ESCO1: variants seen among roughly 807,000 people sequenced by gnomAD.
The protein encoded by ESCO1 is establishment of sister chromatid cohesion N-acetyltransferase 1.
In ESCO1, 33 loss-of-function variants were observed where a neutral mutation model predicts 83.5. The ratio of observed to expected loss-of-function variants is 0.40; its 90% CI spans 0.30 to 0.53. ESCO1 has a LOEUF of 0.53. ESCO1 is among the 20% of genes least tolerant of loss of function. ESCO1 has a pLI of 0.63. For synonymous variants in ESCO1, 332 were observed against 324.3 expected, an observed-to-expected ratio of 1.02 and a Z score of -0.25; for missense variants, 855 against 968.0, an observed-to-expected ratio of 0.88 and a Z score of 1.55.
At chr18:21,561,037 AT>A in intron 7 of ESCO1, 47 bp from the exon 8 acceptor site, 1 of 1,546,108 alleles carries the variant, frequency 6.5e-7, no homozygotes. Flanking sequence ...CAAAAGAATT[AT>A]TTCAGAATAT....
intron 5 of ESCO1, among the ~76,000 whole-genome samples, chr18:21,566,662 AC>A: frequency 6.6e-6 from 1 of 152,282 alleles, no homozygotes; most frequent in African/African-American, 2.4e-5. Flanking sequence ...GGAGTTCGAG[AC>A]CAGCCTGGCC....
At chr18:21,570,379 A>T (rs2146207416) in intron 4 of ESCO1, among the ~76,000 whole-genome samples, 1 of 152,322 alleles carries the variant, frequency 6.6e-6, no homozygotes, top group South Asian at 2.1e-4. Flanking sequence ...GATTACAGGC[A>T]TGAGCCACTG....
intron 2 of ESCO1, among the ~76,000 whole-genome samples, chr18:21,578,122 T>A (rs2038445200): frequency 6.6e-6 from 1 of 152,060 alleles, no homozygotes; most frequent in Admixed American, 6.6e-5. Flanking sequence ...CAATTTCCAA[T>A]CACTTTTAAC....
chr18:21,584,139 A>C (rs748998715), intron 2 of ESCO1, among the ~76,000 whole-genome samples, 171 bp downstream of exon 2: 2 of 152,228 alleles, frequency 1.3e-5, no homozygotes, highest in Non-Finnish European at 2.9e-5. Flanking sequence ...CAGGAGTAGG[A>C]GAAAAGCTTA....
intron 8 of ESCO1, among the ~76,000 whole-genome samples, chr18:21,554,635 C>T (rs929200599): frequency 5.9e-5 from 9 of 152,022 alleles, no homozygotes; most frequent in African/African-American, 1.9e-4. Context: ...TTAGGCAAGG[C>T]GTGGTGGCTC....
At chr18:21,569,143 T>A (rs1386453013) in intron 4 of ESCO1, among the ~76,000 whole-genome samples, 1 of 152,204 alleles carries the variant, frequency 6.6e-6, no homozygotes, top group South Asian at 2.1e-4. Flanking sequence ...TGTCTAAATC[T>A]CTTTCGTGTG....
At chr18:21,565,875 C>T (rs953652119) in intron 6 of ESCO1, among the ~76,000 whole-genome samples, 13 of 152,118 alleles carry the variant, frequency 8.5e-5, no homozygotes, top group Admixed American at 3.3e-4. Flanking sequence ...GAGTTCAAGG[C>T]TGCAGTGATT....
intron 9 of ESCO1, among the ~76,000 whole-genome samples, chr18:21,538,449 C>T (rs181415082): frequency 6.6e-6 from 1 of 152,210 alleles, no homozygotes; most frequent in African/African-American, 2.4e-5. Context: ...GTTTCAAATA[C>T]AAGACAGGTT....
chr18:21,563,429 C>A (rs1437331425), intron 7 of ESCO1, among the ~76,000 whole-genome samples: 13 of 152,168 alleles, frequency 8.5e-5, no homozygotes, highest in African/African-American at 3.1e-4. Context: ...CTCACTGCAA[C>A]CTCTGCCTGC....
rs983497507 is a variant in ESCO1 at position 21,529,786 on chromosome 18, G to C, written c.*557C>G. ...TATTCTAATTCTTCCTATTTAGCTG[G>C]AGCTTTCCTTTTCTATAGGGGTTTC... On this transcript the variant is annotated 3_prime_UTR_variant, in exon 12 of 12. Coordinates refer to ENST00000269214, the MANE Select transcript of ESCO1 (RefSeq NM_052911.3). 2.0e-5 allele frequency: 3 copies of C among 152,240 alleles called. No homozygotes were observed. Among genetic ancestry groups the C allele is most frequent in the Non-Finnish European group, 1.5e-5 (1 of 68,008 alleles). 9.4% of individuals were successfully genotyped at this position (152,240 alleles called of 1,614,324 possible). A position where few individuals can be genotyped will look rare whatever the true frequency, so the allele number is the denominator to read the frequency against.
At position 21,539,908 on chromosome 18, in the gene ESCO1, C is replaced by G. The variant is rs1454998767; in HGVS notation, c.2043+12G>C. 2.5e-6 allele frequency: 4 copies of G among 1,606,634 alleles called. No individual in the cohort carries two copies. In the South Asian group the frequency reaches 4.4e-5, roughly 18 times the overall value. On this transcript the variant is annotated intron_variant, in intron 9 of 11. Coordinates refer to ENST00000269214, the MANE Select transcript of ESCO1 (RefSeq NM_052911.3). ...ATTATCCACTCTACATGAAGTTTCA[C>G]TGGAAATTTACCTTTTTCAGGGCAT...
chr18:21,593,583 AGAGAGG>A (rs2038714921), intron 1 of ESCO1: 1 of 23,976 alleles, frequency 4.2e-5, no homozygotes, highest in Non-Finnish European at 1.1e-4. Context: ...GACCGTGGAA[AGAGAGG>A]GAGACCGTAG....
chr18:21,572,207 G>A (rs752400059), intron 4 of ESCO1, among the ~76,000 whole-genome samples: 4 of 152,084 alleles, frequency 2.6e-5, no homozygotes, highest in Non-Finnish European at 4.4e-5. Flanking sequence ...GCCACCAAAC[G>A]TGTTGCCTAA....
chr18:21,548,527 T>G (rs2038003929), intron 8 of ESCO1, among the ~76,000 whole-genome samples: 1 of 148,472 alleles, frequency 6.7e-6, no homozygotes, highest in African/African-American at 2.5e-5. Flanking sequence ...GCCAGGGGGG[T>G]GGTGGATCAT....
intron 11 of ESCO1, among the ~76,000 whole-genome samples, chr18:21,531,946 A>C (rs1306116560): frequency 6.6e-6 from 1 of 151,812 alleles, no homozygotes; most frequent in East Asian, 1.9e-4. Context: ...CTTTTGAATA[A>C]TTAATTTTAA....
At chr18:21,594,957 G>A (rs2146238972) in intron 1 of ESCO1, among the ~76,000 whole-genome samples, 1 of 140,222 alleles carries the variant, frequency 7.1e-6, no homozygotes, top group East Asian at 2.0e-4. Context: ...GTGTGTGTGT[G>A]TGTGTGTGTA....
Position 21,592,368 on chromosome 18 carries a change from G to C in ESCO1, c.-824-7928C>G. ...CACCTCCCGGACGAGGCGGCTGGCCGGGCGGGGGACTGACCCCCCCCACCT... is the reference window on the plus strand; with the variant it reads ...CACCTCCCGGACGAGGCGGCTGGCCCGGCGGGGGACTGACCCCCCCCACCT... On this transcript the variant is annotated intron_variant, in intron 1 of 11. Transcript: ENST00000269214. 4.4e-5 allele frequency among the ~76,000 whole-genome samples: 2 copies of C among 45,976 alleles called. 1 individual carries two copies. The allele number at this position is 45,976 out of a possible 152,430, so 30.2% of individuals were successfully genotyped here.
At chr18:21,588,760 T>C (rs2038618568) in intron 1 of ESCO1, among the ~76,000 whole-genome samples, 1 of 151,520 alleles carries the variant, frequency 6.6e-6, no homozygotes, top group Non-Finnish European at 1.5e-5. Flanking sequence ...CTACAAAAAA[T>C]ACAAAAATAG....
At chr18:21,535,273 G>A (rs1389413412) in intron 10 of ESCO1, among the ~76,000 whole-genome samples, 1 of 151,144 alleles carries the variant, frequency 6.6e-6, no homozygotes, top group Non-Finnish European at 1.5e-5. Context: ...GGAGTGCAAT[G>A]GCGTGACCTT....
Sources: allele counts gnomAD v4.1 joint callset (sites outside exome capture counted in the v4.1 genomes callset), GRCh38; gene constraint gnomAD v4.1.1; transcripts MANE v1.5; gene names NCBI Gene and HGNC (gene_info 2026-07-23, HGNC 2026-07-21).